Variants in CSTPP1 observed in about 807,000 individuals in gnomAD.
CSTPP1 encodes the protein centriolar satellite-associated tubulin polyglutamylase complex regulator 1.
the CSTPP1 span, among the ~76,000 whole-genome samples, chr11:47,074,962 T>C: frequency 6.6e-6 from 1 of 152,210 alleles, no homozygotes; most frequent in Non-Finnish European, 1.5e-5. Context: ...TAGTTCTATT[T>C]TTAAAGAGTT....
At chr11:46,979,244 G>A in the CSTPP1 span, among the ~76,000 whole-genome samples, 1 of 151,988 alleles carries the variant, frequency 6.6e-6, no homozygotes, top group Non-Finnish European at 1.5e-5. Flanking sequence ...CACCATGCCC[G>A]GCTGCAAGAC....
At chr11:47,121,748 A>G in the CSTPP1 span, among the ~76,000 whole-genome samples, 9 of 152,064 alleles carry the variant, frequency 5.9e-5, no homozygotes, top group Non-Finnish European at 1.2e-4. Context: ...CAATCATCTT[A>G]GGCTGTAGAA....
chr11:47,136,971 T>C, the CSTPP1 span, among the ~76,000 whole-genome samples: 2 of 152,220 alleles, frequency 1.3e-5, no homozygotes, highest in African/African-American at 4.8e-5. Flanking sequence ...CAGAGCCTCA[T>C]CCTGGCTCAC....
At chr11:46,938,314 A>G in the CSTPP1 span, among the ~76,000 whole-genome samples, 1 of 148,168 alleles carries the variant, frequency 6.7e-6, no homozygotes, top group South Asian at 2.1e-4. Context: ...AAACATATAT[A>G]TTTATAATAT....
the CSTPP1 span, among the ~76,000 whole-genome samples, chr11:47,079,816 G>A: frequency 1.3e-5 from 2 of 152,072 alleles, no homozygotes; most frequent in Admixed American, 1.3e-4. Context: ...AAATACGGCC[G>A]GGCGCGGTGG....
At chr11:47,114,316 GT>G in the CSTPP1 span, among the ~76,000 whole-genome samples, 1 of 152,188 alleles carries the variant, frequency 6.6e-6, no homozygotes, top group African/African-American at 2.4e-5. Flanking sequence ...GCTTAGGATT[GT>G]TTTGGCAATG....
chr11:47,009,755 C>A, the CSTPP1 span, among the ~76,000 whole-genome samples: 1 of 151,770 alleles, frequency 6.6e-6, no homozygotes, highest in Admixed American at 6.6e-5. Flanking sequence ...TTGCAGTGAC[C>A]CAAGATCGCA....
chr11:46,950,510 G>T, the CSTPP1 span, among the ~76,000 whole-genome samples: 1 of 151,876 alleles, frequency 6.6e-6, no homozygotes, highest in Non-Finnish European at 1.5e-5. Context: ...CTTAGGCAGG[G>T]ATCATGTCTC....
At chr11:47,156,725 A>G in the CSTPP1 span, among the ~76,000 whole-genome samples, 1 of 152,158 alleles carries the variant, frequency 6.6e-6, no homozygotes, top group Non-Finnish European at 1.5e-5. Flanking sequence ...CTCACTGGCT[A>G]AGTGCCAGAA....
chr11:47,063,594 CACTTATGTA>C, the CSTPP1 span, among the ~76,000 whole-genome samples: 1 of 152,140 alleles, frequency 6.6e-6, no homozygotes, highest in Non-Finnish European at 1.5e-5. Flanking sequence ...TTTTGTGTCT[CACTTATGTA>C]ACTTAGCATG....
the CSTPP1 span, among the ~76,000 whole-genome samples, chr11:47,067,270 A>C: frequency 6.6e-6 from 1 of 152,322 alleles, no homozygotes; most frequent in East Asian, 1.9e-4. Context: ...GAAATCAACA[A>C]ATTTTCTCAG....
the CSTPP1 span, among the ~76,000 whole-genome samples, chr11:46,989,655 C>G: frequency 1.3e-5 from 2 of 152,154 alleles, no homozygotes; most frequent in Non-Finnish European, 2.9e-5. Context: ...GAGATAAACA[C>G]TTTAAAAACA....
At chr11:47,014,213 AAAG>A in the CSTPP1 span, among the ~76,000 whole-genome samples, 1 of 151,696 alleles carries the variant, frequency 6.6e-6, no homozygotes, top group Non-Finnish European at 1.5e-5. Flanking sequence ...AGAAAGAGAA[AAAG>A]AAAGGAAAAA....
At chr11:47,065,706 A>G in the CSTPP1 span, among the ~76,000 whole-genome samples, 21 of 151,436 alleles carry the variant, frequency 1.4e-4, 1 homozygote, top group Admixed American at 3.9e-4. Flanking sequence ...TCCTTTTCAT[A>G]TTTTTCATTG....
chr11:47,035,744 A>G, the CSTPP1 span, among the ~76,000 whole-genome samples: 1 of 152,088 alleles, frequency 6.6e-6, no homozygotes, highest in African/African-American at 2.4e-5. Flanking sequence ...GTGTCTACAT[A>G]TTTTATGCAT....
chr11:46,937,663 G>A, the CSTPP1 span, among the ~76,000 whole-genome samples: 3 of 152,048 alleles, frequency 2.0e-5, no homozygotes, highest in Non-Finnish European at 4.4e-5. Context: ...TCCGCCTCCC[G>A]GGTAGCTGGG....
the CSTPP1 span, among the ~76,000 whole-genome samples, chr11:47,116,307 A>G: frequency 1.3e-5 from 2 of 152,180 alleles, no homozygotes; most frequent in Admixed American, 1.3e-4. Flanking sequence ...TTTGGGGTGG[A>G]AAGTTCTGTA....
At chr11:46,991,419 C>T in the CSTPP1 span, 1 of 151,996 alleles carries the variant, frequency 6.6e-6, no homozygotes, top group Non-Finnish European at 1.5e-5. Flanking sequence ...TTCCTTTCAC[C>T]CAGTCTTCTA....
chr11:47,111,548 G>A, the CSTPP1 span, among the ~76,000 whole-genome samples: 2 of 152,012 alleles, frequency 1.3e-5, no homozygotes, highest in Non-Finnish European at 2.9e-5. Flanking sequence ...CCTTAGCCAA[G>A]CCCACCCCAC....
Sources: gnomAD v4.1 joint callset for allele counts (sites outside exome capture counted in the v4.1 genomes callset) on GRCh38, gnomAD v4.1.1 for gene constraint, MANE v1.5 for transcripts, NCBI Gene and HGNC (gene_info 2026-07-23, HGNC 2026-07-21) for gene names.